The following RAD51B variants were observed in gnomAD, a reference collection of about 807,000 sequenced individuals.
RAD51B encodes DNA repair protein RAD51 homolog 2.
RAD51B carries 38 observed loss-of-function variants against 42.2 expected under a neutral mutation model. That is an observed-to-expected ratio of 0.90 (90% confidence interval 0.70 to 1.18). RAD51B has a LOEUF of 1.18. RAD51B is among the 50% of genes most tolerant of loss of function. The probability of loss-of-function intolerance (pLI) is 0.00; values close to 1 mark genes in which losing one functional copy is unlikely to be tolerated. For missense variants in RAD51B, 373 were observed against 400.7 expected, an observed-to-expected ratio of 0.93 and a Z score of 0.59; for synonymous variants, 154 against 145.2, an observed-to-expected ratio of 1.06 and a Z score of -0.43.
At chr14:67,927,699 TTGTA>T (rs941020593) in intron 7 of RAD51B, among the ~76,000 whole-genome samples, 9 of 134,268 alleles carry the variant, frequency 6.7e-5, no homozygotes, top group South Asian at 2.3e-4. Flanking sequence ...TAGTATTTCA[TTGTA>T]TGTGTGTGTG....
intron 7 of RAD51B, among the ~76,000 whole-genome samples, chr14:68,152,974 T>C (rs893259856): frequency 2.6e-5 from 4 of 152,222 alleles, no homozygotes; most frequent in African/African-American, 9.6e-5. Flanking sequence ...AGTGTATATA[T>C]ATCACATTTT....
intron 10 of RAD51B, among the ~76,000 whole-genome samples, chr14:68,495,989 G>T (rs946412849): frequency 6.6e-6 from 1 of 152,138 alleles, no homozygotes; most frequent in Non-Finnish European, 1.5e-5. Flanking sequence ...CCCAGCTTAA[G>T]AAATGAAATG....
intron 7 of RAD51B, among the ~76,000 whole-genome samples, chr14:67,948,015 T>C (rs1326507463): frequency 6.6e-6 from 1 of 152,228 alleles, no homozygotes; most frequent in Non-Finnish European, 1.5e-5. Flanking sequence ...AAAAGAAGTA[T>C]AGCTACTGTG....
chr14:68,527,594 C>T (rs552497988), intron 10 of RAD51B, among the ~76,000 whole-genome samples: 1 of 152,364 alleles, frequency 6.6e-6, no homozygotes, highest in Non-Finnish European at 1.5e-5. Context: ...TCCTTTCACT[C>T]CATGTGATTT....
At chr14:68,493,969 C>G (rs1023115196) in intron 10 of RAD51B, among the ~76,000 whole-genome samples, 1 of 152,160 alleles carries the variant, frequency 6.6e-6, no homozygotes, top group African/African-American at 2.4e-5. Flanking sequence ...CGAGGTTCAG[C>G]TGAGTGTCAG....
chr14:68,656,195 C>T (rs902082654), intron 11 of RAD51B, among the ~76,000 whole-genome samples: 1 of 152,136 alleles, frequency 6.6e-6, no homozygotes, highest in African/African-American at 2.4e-5. Flanking sequence ...CTTTGAAAAG[C>T]CTGGACCCTG....
intron 8 of RAD51B, among the ~76,000 whole-genome samples, chr14:68,356,719 C>G (rs2082912389): frequency 6.6e-6 from 1 of 152,076 alleles, no homozygotes; most frequent in Non-Finnish European, 1.5e-5. Context: ...CGGTGGCTCA[C>G]GCCTGTAATC....
chr14:68,681,900 G>T (rs925209124), intron 11 of RAD51B, among the ~76,000 whole-genome samples: 1 of 152,168 alleles, frequency 6.6e-6, no homozygotes, highest in Non-Finnish European at 1.5e-5. Flanking sequence ...GGGGACTGGG[G>T]AGTGGAGCAG....
intron 7 of RAD51B, among the ~76,000 whole-genome samples, chr14:68,133,500 C>T (rs532070760): frequency 6.6e-6 from 1 of 152,246 alleles, no homozygotes; most frequent in South Asian, 2.1e-4. Context: ...GAGACGAAGT[C>T]TCACTGTGTT....
chr14:68,178,019 C>T (rs188326096), intron 7 of RAD51B, among the ~76,000 whole-genome samples: 24 of 152,218 alleles, frequency 1.6e-4, no homozygotes, highest in Admixed American at 4.6e-4. Flanking sequence ...CTTTTTCTAA[C>T]GTTGAGCTGG....
At chr14:68,032,559 G>T (rs924413809) in intron 7 of RAD51B, among the ~76,000 whole-genome samples, 9 of 152,208 alleles carry the variant, frequency 5.9e-5, no homozygotes, top group South Asian at 4.1e-4. Context: ...ATCAAACAGA[G>T]TTCTGATAAT....
At chr14:68,371,125 G>C (rs918369929) in intron 8 of RAD51B, among the ~76,000 whole-genome samples, 1 of 151,862 alleles carries the variant, frequency 6.6e-6, no homozygotes, top group East Asian at 1.9e-4. Context: ...ACTGAGAATG[G>C]TGTCATTTTT....
At chr14:68,019,330 A>G (rs2075826627) in intron 7 of RAD51B, among the ~76,000 whole-genome samples, 1 of 152,168 alleles carries the variant, frequency 6.6e-6, no homozygotes, top group African/African-American at 2.4e-5. Context: ...TTCAAACAAG[A>G]AGGTCAATAA....
At chr14:67,923,150 TTA>T (rs2044382933) in intron 7 of RAD51B, among the ~76,000 whole-genome samples, 1 of 152,208 alleles carries the variant, frequency 6.6e-6, no homozygotes, top group South Asian at 2.1e-4. Context: ...GTTACTTTGC[TTA>T]GAGTAACGGT....
chr14:68,035,155 A>C (rs1442427722), intron 7 of RAD51B, among the ~76,000 whole-genome samples: 1 of 152,138 alleles, frequency 6.6e-6, no homozygotes, highest in Non-Finnish European at 1.5e-5. Context: ...GATTATACTC[A>C]TGGATTTTAT....
At chr14:68,381,674 C>T (rs35446061) in intron 8 of RAD51B, among the ~76,000 whole-genome samples, 57 of 152,160 alleles carry the variant, frequency 3.7e-4, no homozygotes, top group Non-Finnish European at 7.4e-4. Context: ...AGCAAGACTC[C>T]GTCTCAAAAT....
chr14:68,154,567 T>C (rs2078459862), intron 7 of RAD51B, among the ~76,000 whole-genome samples: 1 of 152,200 alleles, frequency 6.6e-6, no homozygotes, highest in Non-Finnish European at 1.5e-5. Flanking sequence ...TGTCTTCTTT[T>C]CTCTGAATTT....
At chr14:68,458,130 T>C (rs1332111580) in intron 9 of RAD51B, among the ~76,000 whole-genome samples, 3 of 152,164 alleles carry the variant, frequency 2.0e-5, no homozygotes, top group Non-Finnish European at 2.9e-5. Context: ...TAAATAGATA[T>C]GTGCTAAAAA....
At chr14:68,568,123 C>CA (rs1461963587) in intron 10 of RAD51B, among the ~76,000 whole-genome samples, 4 of 152,064 alleles carry the variant, frequency 2.6e-5, no homozygotes, top group African/African-American at 2.4e-5. Flanking sequence ...ACCAATGATA[C>CA]AAAAAATGAA....
Sources: allele counts gnomAD v4.1 joint callset (sites outside exome capture counted in the v4.1 genomes callset), GRCh38; gene constraint gnomAD v4.1.1; transcripts MANE v1.5; gene names NCBI Gene and HGNC (gene_info 2026-07-23, HGNC 2026-07-21).